EIF2AK2: variants seen among roughly 807,000 people sequenced by gnomAD.
EIF2AK2 encodes eukaryotic translation initiation factor 2 alpha kinase 2, also known as interferon-induced, double-stranded RNA-activated protein kinase.
EIF2AK2 carries 40 observed loss-of-function variants against 70.5 expected under a neutral mutation model. The ratio of observed to expected loss-of-function variants is 0.57; its 90% confidence interval spans 0.44 to 0.74. EIF2AK2 has a LOEUF of 0.74. Among genes scored for constraint, EIF2AK2 ranks in the 30% least tolerant of loss-of-function variants. EIF2AK2 has a pLI of 0.00. For missense variants in EIF2AK2, 555 were observed against 644.3 expected, an observed-to-expected ratio of 0.86 and a Z score of 1.50; for synonymous variants, 198 against 220.9, an observed-to-expected ratio of 0.90 and a Z score of 0.92.
intron 1 of EIF2AK2, 35 bp from the exon 2 acceptor site, chr2:37,149,058 G>A (rs914487269): frequency 1.0e-6 from 1 of 989,556 alleles, no homozygotes; most frequent in Non-Finnish European, 1.6e-6. Flanking sequence ...TTAAAAAAAT[G>A]CAACCGCTGG....
intron 1 of EIF2AK2, among the ~76,000 whole-genome samples, chr2:37,151,816 T>C (rs916345556): frequency 3.9e-5 from 6 of 152,266 alleles, no homozygotes; most frequent in Admixed American, 1.3e-4. Context: ...CCGTGGCTCA[T>C]GCCTGTACTC....
chr2:37,107,290 C>G lies in EIF2AK2; in HGVS notation c.1639G>C (p.Glu547Gln). Reference protein sequence around the residue: ...TVWKKSPEKNERHTC With the variant: ...TVWKKSPEKNQRHTC The stretch of plus-strand genomic sequence containing the variant: ...GAAGGGCTCTAACATGTGTGTCGTT[C>G]ATTTTTCTCTGGGCTTTTCTTCCAC... The change falls in exon 17 of 17, where the codon GAA (glutamate) becomes CAA (glutamine). Residue 547 changes from glutamate to glutamine, a missense_variant. By Grantham distance (29) the Glu-to-Gln change is conservative. This residue lies in a region of EIF2AK2 where 299 missense variants were observed against 375.4 expected (regional missense o/e 0.80). Transcript: ENST00000233057. The G allele has an allele frequency of 6.2e-7, 1 of 1,613,260 alleles. No homozygotes were observed. Among genetic ancestry groups the G allele is most frequent in the Non-Finnish European group, 8.5e-7 (1 of 1,179,816 alleles).
Position 37,145,650 on chromosome 2 carries a change from C to T in EIF2AK2, c.240+1203G>A, listed in dbSNP as rs549112122. ...GCCCTAGGCCTTCACATTCATTCACCACCCACTTGCTGACAAACTCAGGGC... is the reference window on the plus strand; with the variant it reads ...GCCCTAGGCCTTCACATTCATTCACTACCCACTTGCTGACAAACTCAGGGC... On this transcript the variant is annotated intron_variant, in intron 4 of 16. Coordinates refer to ENST00000233057, the MANE Select transcript of EIF2AK2 (RefSeq NM_001135651.3). Among the ~76,000 whole-genome samples the T allele has an allele frequency of 3.6e-4, 54 of 151,772 alleles. No homozygotes were observed. In the South Asian group the frequency reaches 0.011, roughly 31 times the overall value.
chr2:37,115,764 GACA>G (rs1674320962), intron 13 of EIF2AK2, among the ~76,000 whole-genome samples: 1 of 152,108 alleles, frequency 6.6e-6, no homozygotes. Flanking sequence ...CCAAGCCTCT[GACA>G]ACTTCTTAAC....
intron 1 of EIF2AK2, among the ~76,000 whole-genome samples, chr2:37,154,356 CAA>C (rs1203581701): frequency 5.9e-5 from 9 of 151,294 alleles, no homozygotes; most frequent in African/African-American, 2.2e-4. Context: ...AACAAACAAA[CAA>C]AAAAACATCA....
rs966721905 is a variant in EIF2AK2 at position 37,102,454 on chromosome 2, G to A, written c.*4819C>T. 2 of 152,132 alleles carry A rather than the reference G, an allele frequency of 1.3e-5. No individual in the cohort carries two copies. The highest frequency in any genetic ancestry group is 6.5e-5 in the Admixed American group (1 of 15,270). 9.4% of individuals were successfully genotyped at this position (152,132 alleles called of 1,614,324 possible). ...CCATAATGAAAAGTTAACATGCCAA[G>A]AATCTCAAATTATGGTGAACACTCA... On this transcript the variant is annotated 3_prime_UTR_variant, in exon 17 of 17. Coordinates refer to ENST00000233057, the MANE Select transcript of EIF2AK2 (RefSeq NM_001135651.3).
At chr2:37,120,414 A>G (rs1167170627) in intron 12 of EIF2AK2, among the ~76,000 whole-genome samples, 4 of 147,366 alleles carry the variant, frequency 2.7e-5, no homozygotes, top group African/African-American at 5.0e-5. Context: ...GGCTGAGGCA[A>G]GAGAATGGCG....
At chr2:37,138,233 T>G (rs931281603) in intron 8 of EIF2AK2, 37 bp downstream of exon 8, 4 of 1,473,182 alleles carry the variant, frequency 2.7e-6, no homozygotes, top group Non-Finnish European at 3.7e-6. Flanking sequence ...CACAGAAAAA[T>G]AAGATTAAGT....
chr2:37,146,817 A>C, intron 4 of EIF2AK2, 36 bp downstream of exon 4: 2 of 1,524,296 alleles, frequency 1.3e-6, no homozygotes, highest in Non-Finnish European at 1.8e-6. Flanking sequence ...TGTATTTGCA[A>C]GTTCCCATTT....
intron 11 of EIF2AK2, among the ~76,000 whole-genome samples, chr2:37,125,517 A>G (rs1434153698): frequency 6.6e-6 from 1 of 152,188 alleles, no homozygotes; most frequent in Non-Finnish European, 1.5e-5. Context: ...TCTGGGGACA[A>G]TCCTTCTTGA....
At chr2:37,136,212 T>C (rs1363445467) in intron 9 of EIF2AK2, among the ~76,000 whole-genome samples, 1 of 152,236 alleles carries the variant, frequency 6.6e-6, no homozygotes, top group Admixed American at 6.5e-5. Flanking sequence ...TCTAAGCCCT[T>C]AACTCCTTAA....
rs574929521 is a variant in EIF2AK2 at position 37,116,837 on chromosome 2, G to C, written c.1249-1978C>G. Among the ~76,000 whole-genome samples, 22 of 152,272 alleles carry C rather than the reference G, an allele frequency of 1.4e-4. No individual in the cohort carries two copies. The South Asian group carries it at 4.6e-3, about 32-fold the overall frequency. On this transcript the variant is annotated intron_variant, in intron 13 of 16. Coordinates refer to ENST00000233057, the MANE Select transcript of EIF2AK2 (RefSeq NM_001135651.3). Reference sequence around the variant, plus strand: ...ACCTGACTCTAAGAAACAGAAAATTGAATTTGTGAAGCCGTGTAAATATCT... The same window carrying C: ...ACCTGACTCTAAGAAACAGAAAATTCAATTTGTGAAGCCGTGTAAATATCT...
At chr2:37,156,371 CA>C (rs1382938558) in intron 1 of EIF2AK2, among the ~76,000 whole-genome samples, 1 of 152,014 alleles carries the variant, frequency 6.6e-6, no homozygotes, top group African/African-American at 2.4e-5. Context: ...AGGAACATTC[CA>C]GATGCTGAGG....
chr2:37,149,355 G>A lies in EIF2AK2; in HGVS notation c.-183-332C>T, dbSNP rs189694103. 3.6e-5 allele frequency: 24 copies of A among 663,200 alleles called. No individual in the cohort carries two copies. In the Middle Eastern group the frequency reaches 1.3e-3, roughly 35 times the overall value. 41.1% of individuals were successfully genotyped at this position (663,200 alleles called of 1,614,324 possible). On this transcript the variant is annotated intron_variant, in intron 1 of 16. Coordinates refer to ENST00000233057, the MANE Select transcript of EIF2AK2 (RefSeq NM_001135651.3). ...TTAAAGGTCTTTATTTCTAAAATTC[G>A]GTTACTCTAAGATACATTTTAAGCT...
intron 9 of EIF2AK2, 79 bp downstream of exon 9, chr2:37,136,904 T>G (rs1675145786): frequency 1.0e-5 from 14 of 1,363,620 alleles, no homozygotes; most frequent in Non-Finnish European, 1.3e-5. Context: ...TGTACAATAC[T>G]CTACAAGTAT....
intron 1 of EIF2AK2, 57 bp from the exon 2 acceptor site, chr2:37,149,080 G>A (rs1233051062): frequency 2.9e-5 from 27 of 944,262 alleles, no homozygotes; most frequent in Non-Finnish European, 4.0e-5. Flanking sequence ...TCAGACAGAC[G>A]AGTGATACCA....
At chr2:37,144,326 C>G (rs1052146596) in intron 4 of EIF2AK2, among the ~76,000 whole-genome samples, 3 of 148,766 alleles carry the variant, frequency 2.0e-5, no homozygotes, top group African/African-American at 7.4e-5. Context: ...ATTTACTATA[C>G]TTTTTTTATC....
At chr2:37,152,885 G>C (rs1194225261) in intron 1 of EIF2AK2, among the ~76,000 whole-genome samples, 1 of 152,200 alleles carries the variant, frequency 6.6e-6, no homozygotes, top group African/African-American at 2.4e-5. Flanking sequence ...CACAGGAAAT[G>C]AGTCCACCAT....
At chr2:37,126,562 G>A in intron 10 of EIF2AK2, 151 bp from the exon 11 acceptor site, 1 of 1,235,888 alleles carries the variant, frequency 8.1e-7, no homozygotes, top group Non-Finnish European at 1.1e-6. Context: ...CCACTTGGCA[G>A]AAACTCTTGA....
Sources: gnomAD v4.1 joint callset for allele counts (sites outside exome capture counted in the v4.1 genomes callset) on GRCh38, gnomAD v4.1.1 for gene constraint, gnomAD v4.1.1 regional missense constraint, MANE v1.5 for transcripts, NCBI Gene and HGNC (gene_info 2026-07-23, HGNC 2026-07-21) for gene names.